The following CFAP221 variants were observed in gnomAD, a reference collection of about 807,000 sequenced individuals.
CFAP221 encodes the protein cilia and flagella associated protein 221.
In CFAP221, 97 loss-of-function variants were observed where a neutral mutation model predicts 113.1. The ratio of observed to expected loss-of-function variants is 0.86; its 90% CI spans 0.73 to 1.02. The LOEUF is 1.02. Among genes scored for constraint, CFAP221 ranks in the 50% least tolerant of loss-of-function variants. The pLI is 0.00. For synonymous variants in CFAP221, 331 were observed against 354.4 expected, an observed-to-expected ratio of 0.93 and a Z score of 0.74; for missense variants, 1,025 against 1,013.4, an observed-to-expected ratio of 1.01 and a Z score of -0.16.
intron 13 of CFAP221, among the ~76,000 whole-genome samples, chr2:119,613,323 C>T (rs2104705451): frequency 6.6e-6 from 1 of 152,372 alleles, no homozygotes; most frequent in South Asian, 2.1e-4. Context: ...CTCCAGTAGG[C>T]AGTGCCCCAG....
chr2:119,580,945 G>A (rs973523973), intron 6 of CFAP221: 1 of 152,552 alleles, frequency 6.6e-6, no homozygotes, highest in Non-Finnish European at 1.5e-5. Flanking sequence ...CTGACCTGTT[G>A]CCTGGGCCTG....
At chr2:119,614,549 GA>G (rs1022522333) in intron 13 of CFAP221, among the ~76,000 whole-genome samples, 50 of 152,288 alleles carry the variant, frequency 3.3e-4, no homozygotes, top group African/African-American at 1.2e-3. Flanking sequence ...AGAAGAATGA[GA>G]ACCAAGTGAA....
At chr2:119,594,535 C>T (rs973449881) in intron 7 of CFAP221, among the ~76,000 whole-genome samples, 1 of 152,122 alleles carries the variant, frequency 6.6e-6, no homozygotes, top group East Asian at 1.9e-4. Context: ...TGAGCCACTG[C>T]ACCCAGTCAT....
At chr2:119,618,610 C>T (rs1685683399) in intron 14 of CFAP221, among the ~76,000 whole-genome samples, 2 of 152,182 alleles carry the variant, frequency 1.3e-5, no homozygotes, top group African/African-American at 4.8e-5. Context: ...GAGATTCCTT[C>T]GGGTGCCTAC....
At chr2:119,657,080 A>G (rs1423515074), downstream of CFAP221, among the ~76,000 whole-genome samples, 3 of 152,216 alleles carry the variant, frequency 2.0e-5, no homozygotes, top group Non-Finnish European at 2.9e-5. Context: ...AACACATGTC[A>G]GTAAAAACCA....
At chr2:119,560,586 C>T (rs904757853) in intron 5 of CFAP221, among the ~76,000 whole-genome samples, 5 of 152,126 alleles carry the variant, frequency 3.3e-5, no homozygotes, top group Admixed American at 6.5e-5. Flanking sequence ...AAACTGTCCC[C>T]TCTGCCCCTC....
chr2:119,597,200 C>T (rs900610665), intron 7 of CFAP221, among the ~76,000 whole-genome samples: 3 of 152,126 alleles, frequency 2.0e-5, no homozygotes, highest in African/African-American at 7.2e-5. Context: ...TCCTTTAAGC[C>T]TTGTCTCATT....
chr2:119,649,035 G>A (rs962143921), intron 22 of CFAP221, among the ~76,000 whole-genome samples: 1 of 152,190 alleles, frequency 6.6e-6, no homozygotes, highest in Admixed American at 6.5e-5. Flanking sequence ...TGAAGGAAGT[G>A]TTCTGAAGTA....
chr2:119,643,109 G>A (rs945699603), intron 21 of CFAP221, among the ~76,000 whole-genome samples: 12 of 152,134 alleles, frequency 7.9e-5, no homozygotes, highest in African/African-American at 2.9e-4. Context: ...ATGTTTCAAC[G>A]TGAATTTGGG....
intron 12 of CFAP221, among the ~76,000 whole-genome samples, chr2:119,609,457 A>G (rs1392477887): frequency 2.0e-5 from 3 of 152,182 alleles, no homozygotes; most frequent in African/African-American, 7.2e-5. Flanking sequence ...ATTCCTTCTG[A>G]GAGCCATGAG....
chr2:119,596,497 C>T (rs1038186066), intron 7 of CFAP221, among the ~76,000 whole-genome samples: 15 of 152,332 alleles, frequency 9.8e-5, no homozygotes, highest in African/African-American at 3.4e-4. Context: ...CAGACTCCTT[C>T]TCCACATCCC....
At chr2:119,563,403 A>G (rs1224233586) in intron 6 of CFAP221, among the ~76,000 whole-genome samples, 2 of 152,168 alleles carry the variant, frequency 1.3e-5, no homozygotes, top group African/African-American at 4.8e-5. Context: ...TGGATATGGA[A>G]CCCTCAAATG....
At chr2:119,602,577 T>TA in intron 8 of CFAP221, 1 of 964,600 alleles carries the variant, frequency 1.0e-6, no homozygotes, top group South Asian at 4.8e-5. Context: ...CATGATATCT[T>TA]AGATATTTAT....
intron 6 of CFAP221, among the ~76,000 whole-genome samples, chr2:119,579,989 T>C (rs1270882803): frequency 2.0e-5 from 3 of 152,282 alleles, no homozygotes; most frequent in Admixed American, 1.3e-4. Context: ...ATTTGGGCCT[T>C]TCAACACTTC....
chr2:119,570,655 T>C (rs1297251762), intron 6 of CFAP221, among the ~76,000 whole-genome samples: 4 of 152,218 alleles, frequency 2.6e-5, no homozygotes, highest in African/African-American at 9.6e-5. Context: ...TCTTTCACTT[T>C]GCAATCATGT....
intron 2 of CFAP221, among the ~76,000 whole-genome samples, chr2:119,546,977 A>G (rs1680094728): frequency 6.6e-6 from 1 of 152,226 alleles, no homozygotes; most frequent in African/African-American, 2.4e-5. Flanking sequence ...GTGAAACTCA[A>G]AGAGACCACA....
chr2:119,555,794 A>G (rs1680751666), intron 3 of CFAP221, among the ~76,000 whole-genome samples: 1 of 152,220 alleles, frequency 6.6e-6, no homozygotes, highest in Non-Finnish European at 1.5e-5. Flanking sequence ...TCATGAAATA[A>G]GGACATTGCA....
chr2:119,646,559 C>G (rs750011848), intron 21 of CFAP221, among the ~76,000 whole-genome samples: 1 of 152,126 alleles, frequency 6.6e-6, no homozygotes, highest in African/African-American at 2.4e-5. Flanking sequence ...ACTCCACCCC[C>G]GCGATCCAAT....
Position 119,566,589 on chromosome 2 carries a change from A to G in CFAP221, c.527+4475A>G, listed in dbSNP as rs146717635. Among the ~76,000 whole-genome samples the G allele has an allele frequency of 1.8e-4, 27 of 152,336 alleles. 1 individual carries two copies. Among genetic ancestry groups the G allele is most frequent in the African/African-American group, 6.0e-4 (25 of 41,570 alleles). ...GCTCCTACAGACATGAGCAGCCTCAACGTGGCTCCATTCCTTTCTGCAGGG... is the reference window on the plus strand; with the variant it reads ...GCTCCTACAGACATGAGCAGCCTCAGCGTGGCTCCATTCCTTTCTGCAGGG... On this transcript the variant is annotated intron_variant, in intron 6 of 23. Transcript: ENST00000413369.
Sources: allele counts gnomAD v4.1 joint callset (sites outside exome capture counted in the v4.1 genomes callset), GRCh38; gene constraint gnomAD v4.1.1; transcripts MANE v1.5; gene names NCBI Gene and HGNC (gene_info 2026-07-23, HGNC 2026-07-21).